The following NPAS3 variants were observed in gnomAD, a reference collection of about 807,000 sequenced individuals.
NPAS3 encodes neuronal PAS domain-containing protein 3.
Under a neutral mutation model 73.1 loss-of-function variants are expected in NPAS3, and 14 were observed. The observed-to-expected ratio is 0.19, with a 90% CI of 0.13 to 0.30. The LOEUF is 0.30. Ranked by LOEUF, NPAS3 falls within the 10% of genes least tolerant of loss-of-function variation. The probability of loss-of-function intolerance (pLI) is 1.00; values close to 1 mark genes in which losing one functional copy is unlikely to be tolerated. For synonymous variants in NPAS3, 620 were observed against 541.5 expected (o/e 1.14, Z -2.01); for missense variants, 1,096 against 1,250.0 (o/e 0.88, Z 1.86).
At chr14:33,306,302 G>A (rs759472222) in intron 3 of NPAS3, among the ~76,000 whole-genome samples, 1 of 152,100 alleles carries the variant, frequency 6.6e-6, no homozygotes, top group Non-Finnish European at 1.5e-5. Context: ...CTCATAAACT[G>A]ACCTAGTGAT....
chr14:33,268,129 T>A (rs932262331), intron 3 of NPAS3, among the ~76,000 whole-genome samples: 3 of 151,864 alleles, frequency 2.0e-5, no homozygotes, highest in African/African-American at 7.3e-5. Context: ...CCCAGGTGAT[T>A]TAACCTCCCA....
chr14:33,402,057 T>A (rs1594840930), intron 4 of NPAS3, among the ~76,000 whole-genome samples: 1 of 152,118 alleles, frequency 6.6e-6, no homozygotes, highest in Admixed American at 6.6e-5. Context: ...TGAAAATCCA[T>A]GGCCATTTTC....
intron 5 of NPAS3, among the ~76,000 whole-genome samples, chr14:33,657,771 T>C (rs2059187746): frequency 6.7e-6 from 1 of 148,338 alleles, no homozygotes; most frequent in African/African-American, 2.5e-5. Context: ...TACACAGGCA[T>C]TAATTATGCA....
At chr14:32,965,507 G>A (rs1459163551) in intron 1 of NPAS3, among the ~76,000 whole-genome samples, 1 of 152,078 alleles carries the variant, frequency 6.6e-6, no homozygotes. Context: ...AAAATTCAAT[G>A]TTTCTTTATT....
chr14:33,255,761 G>A (rs1490581235), intron 3 of NPAS3, among the ~76,000 whole-genome samples: 2 of 152,052 alleles, frequency 1.3e-5, no homozygotes, highest in Non-Finnish European at 1.5e-5. Context: ...CTTCCCCAGT[G>A]TCCTGTGTGA....
chr14:33,656,877 A>G (rs927899592), intron 5 of NPAS3, among the ~76,000 whole-genome samples: 19 of 152,260 alleles, frequency 1.2e-4, no homozygotes, highest in African/African-American at 4.1e-4. Context: ...TTCCTCACCC[A>G]TTATCCAAAG....
chr14:33,520,456 C>T (rs868554662), intron 4 of NPAS3, among the ~76,000 whole-genome samples: 3 of 151,974 alleles, frequency 2.0e-5, no homozygotes, highest in Non-Finnish European at 1.5e-5. Flanking sequence ...ACCACATTTA[C>T]TGTGATTTAT....
intron 2 of NPAS3, among the ~76,000 whole-genome samples, chr14:33,087,226 A>C (rs1188238651): frequency 1.1e-4 from 12 of 106,394 alleles, no homozygotes; most frequent in East Asian, 1.1e-3. Context: ...TTATTGTATA[A>C]TATATATTAT....
intron 7 of NPAS3, among the ~76,000 whole-genome samples, chr14:33,737,737 C>T (rs1051509255): frequency 6.6e-6 from 1 of 152,148 alleles, no homozygotes; most frequent in Non-Finnish European, 1.5e-5. Flanking sequence ...AATAACATCC[C>T]TATTTATCTG....
chr14:33,043,966 A>T (rs944462677), intron 1 of NPAS3, among the ~76,000 whole-genome samples: 2 of 152,300 alleles, frequency 1.3e-5, no homozygotes, highest in South Asian at 4.1e-4. Context: ...TCTTTCACAC[A>T]TCTGCAAACA....
chr14:33,328,209 G>A (rs1461589504), intron 3 of NPAS3, among the ~76,000 whole-genome samples: 1 of 151,742 alleles, frequency 6.6e-6, no homozygotes, highest in Non-Finnish European at 1.5e-5. Flanking sequence ...GCCTGAGCTG[G>A]GCCCCAAGGG....
chr14:32,956,558 A>G (rs117110807), intron 1 of NPAS3, among the ~76,000 whole-genome samples: 2,731 of 152,320 alleles, frequency 0.018, 38 homozygotes, highest in Admixed American at 0.031. Flanking sequence ...TAACAGCTCC[A>G]GGGAAAGAGT....
At chr14:33,799,986 A>T in exon 12 of NPAS3, 1 of 1,613,660 alleles carries the variant, frequency 6.2e-7, no homozygotes, top group African/African-American at 1.3e-5. Context: ...GTGGAGCGCT[A>T]CGTGGAGAGC....
intron 3 of NPAS3, among the ~76,000 whole-genome samples, chr14:33,311,526 T>C (rs2043003241): frequency 1.3e-5 from 2 of 152,120 alleles, no homozygotes; most frequent in African/African-American, 4.8e-5. Context: ...ACTTGTGTCA[T>C]CTGGATATAG....
chr14:33,773,240 C>T (rs976835582), intron 7 of NPAS3, among the ~76,000 whole-genome samples: 47 of 152,168 alleles, frequency 3.1e-4, no homozygotes, highest in African/African-American at 1.1e-3. Flanking sequence ...GATAGCGTGG[C>T]ACTCAGTGAT....
intron 2 of NPAS3, among the ~76,000 whole-genome samples, chr14:33,093,172 G>T (rs146447816): frequency 6.6e-6 from 1 of 152,194 alleles, no homozygotes; most frequent in Non-Finnish European, 1.5e-5. Context: ...TATCATTAGC[G>T]TGAACAGGCA....
chr14:33,403,292 TA>T (rs964636306), intron 4 of NPAS3, among the ~76,000 whole-genome samples: 3 of 151,844 alleles, frequency 2.0e-5, no homozygotes, highest in South Asian at 2.1e-4. Flanking sequence ...AAATAGGCAT[TA>T]AAAAAAAGCA....
intron 3 of NPAS3, among the ~76,000 whole-genome samples, chr14:33,253,265 T>C (rs552971324): frequency 2.4e-4 from 37 of 152,182 alleles, no homozygotes; most frequent in African/African-American, 8.9e-4. Flanking sequence ...CTTTTCTCCA[T>C]GTCCAATGAT....
chr14:33,492,893 G>C (rs760610438), intron 4 of NPAS3, among the ~76,000 whole-genome samples: 1 of 152,156 alleles, frequency 6.6e-6, no homozygotes. Flanking sequence ...TTTTTGAGGA[G>C]AATGTCAAGG....
Sources: allele counts gnomAD v4.1 joint callset (sites outside exome capture counted in the v4.1 genomes callset), GRCh38; gene constraint gnomAD v4.1.1; transcripts MANE v1.5; gene names NCBI Gene and HGNC (gene_info 2026-07-23, HGNC 2026-07-21).